The following CNTN5 variants were observed in gnomAD, a reference collection of about 807,000 sequenced individuals.
CNTN5 encodes contactin-5.
Under a neutral mutation model 129.1 loss-of-function variants are expected in CNTN5, and 77 were observed. That is an observed-to-expected ratio of 0.60 (90% confidence interval 0.50 to 0.72). The LOEUF (loss-of-function observed/expected upper bound fraction) is 0.72. CNTN5 is among the 30% of genes least tolerant of loss of function. CNTN5 has a pLI of 0.00. For missense variants in CNTN5, 1,478 were observed against 1,328.8 expected (o/e 1.11, Z -1.75); for synonymous variants, 509 against 465.6 (o/e 1.09, Z -1.20).
chr11:99,391,693 A>G (rs903351180), intron 2 of CNTN5, among the ~76,000 whole-genome samples: 6 of 152,018 alleles, frequency 3.9e-5, no homozygotes, highest in Non-Finnish European at 5.9e-5. Flanking sequence ...AATTGAGATG[A>G]TATTATTTAT....
intron 2 of CNTN5, among the ~76,000 whole-genome samples, chr11:99,538,937 G>C (rs1325006916): frequency 6.6e-6 from 1 of 152,014 alleles, no homozygotes; most frequent in Non-Finnish European, 1.5e-5. Context: ...TATTTTACTT[G>C]AAGAAATATA....
intron 7 of CNTN5, among the ~76,000 whole-genome samples, chr11:99,933,344 T>G (rs1168472490): frequency 6.6e-6 from 1 of 152,192 alleles, no homozygotes; most frequent in Non-Finnish European, 1.5e-5. Context: ...TTAATTAGTT[T>G]TATTGAGGTA....
intron 1 of CNTN5, among the ~76,000 whole-genome samples, chr11:99,170,848 A>G (rs1448377911): frequency 6.6e-6 from 1 of 152,236 alleles, no homozygotes; most frequent in Non-Finnish European, 1.5e-5. Flanking sequence ...AGTGCTAAAT[A>G]GTCAGTGATC....
intron 4 of CNTN5, among the ~76,000 whole-genome samples, chr11:99,833,763 G>A (rs1947219278): frequency 6.6e-6 from 1 of 152,152 alleles, no homozygotes; most frequent in African/African-American, 2.4e-5. Flanking sequence ...TGATCATCCT[G>A]TTCAAGACCC....
At chr11:99,331,299 G>A (rs951491707) in intron 2 of CNTN5, among the ~76,000 whole-genome samples, 9 of 151,990 alleles carry the variant, frequency 5.9e-5, no homozygotes, top group Non-Finnish European at 1.3e-4. Flanking sequence ...GCTATAAATT[G>A]TGCTAGTAAA....
intron 20 of CNTN5, among the ~76,000 whole-genome samples, chr11:100,305,410 G>A (rs767912062): frequency 7.9e-5 from 12 of 151,490 alleles, no homozygotes; most frequent in South Asian, 2.1e-4. Context: ...AACCCTCATC[G>A]GCCAACACTC....
chr11:100,038,142 T>A (rs1257409273), intron 9 of CNTN5, among the ~76,000 whole-genome samples: 2 of 152,132 alleles, frequency 1.3e-5, no homozygotes, highest in African/African-American at 2.4e-5. Context: ...ACTTTGAATG[T>A]GTCCCAGAGA....
chr11:100,110,465 T>C (rs1487516275), intron 13 of CNTN5, among the ~76,000 whole-genome samples: 2 of 152,154 alleles, frequency 1.3e-5, no homozygotes, highest in Non-Finnish European at 2.9e-5. Flanking sequence ...ATTTTCTGAA[T>C]TTTTTAAAAA....
At chr11:99,556,579 A>ATATC (rs1555026479) in intron 3 of CNTN5, among the ~76,000 whole-genome samples, 2 of 138,466 alleles carry the variant, frequency 1.4e-5, no homozygotes, top group Non-Finnish European at 3.1e-5. Context: ...ATATATATAT[A>ATATC]TATATATATA....
intron 2 of CNTN5, among the ~76,000 whole-genome samples, chr11:99,422,692 A>G (rs1270420832): frequency 1.3e-5 from 2 of 151,792 alleles, no homozygotes; most frequent in Non-Finnish European, 2.9e-5. Context: ...ACAGGGAAGA[A>G]TAAATATTTG....
intron 3 of CNTN5, among the ~76,000 whole-genome samples, chr11:99,762,096 A>T (rs1287658771): frequency 1.1e-5 from 1 of 88,532 alleles, no homozygotes; most frequent in Non-Finnish European, 2.5e-5. Context: ...TCCTTCACCC[A>T]CTTTTTGATG....
intron 2 of CNTN5, among the ~76,000 whole-genome samples, chr11:99,343,407 G>A (rs1480938922): frequency 6.6e-6 from 1 of 152,190 alleles, no homozygotes; most frequent in African/African-American, 2.4e-5. Context: ...CATAGTGTTA[G>A]TGAGTGCTTC....
chr11:99,237,712 C>T (rs1861351748), intron 1 of CNTN5, among the ~76,000 whole-genome samples: 1 of 151,882 alleles, frequency 6.6e-6, no homozygotes, highest in Admixed American at 6.6e-5. Flanking sequence ...TATAAAATGC[C>T]TAGTATGTGC....
At chr11:99,672,097 C>G (rs1250946944) in intron 3 of CNTN5, among the ~76,000 whole-genome samples, 1 of 152,124 alleles carries the variant, frequency 6.6e-6, no homozygotes, top group Non-Finnish European at 1.5e-5. Flanking sequence ...TATCTAACAG[C>G]CTCTTTCGTA....
chr11:100,000,206 C>T (rs970457714), intron 8 of CNTN5, among the ~76,000 whole-genome samples: 1 of 151,958 alleles, frequency 6.6e-6, no homozygotes, highest in African/African-American at 2.4e-5. Context: ...AGTCCAAAGT[C>T]TCATTTGAGA....
At chr11:99,125,310 A>C (rs1476633362) in intron 1 of CNTN5, among the ~76,000 whole-genome samples, 2 of 151,518 alleles carry the variant, frequency 1.3e-5, no homozygotes, top group Admixed American at 6.6e-5. Context: ...AACATTTGCC[A>C]ATCAATAAAT....
chr11:99,897,357 C>T (rs1949234076), intron 6 of CNTN5, among the ~76,000 whole-genome samples: 7 of 151,898 alleles, frequency 4.6e-5, no homozygotes, highest in Admixed American at 4.6e-4. Context: ...CTAGACTATC[C>T]AAGGTTGGTG....
intron 1 of CNTN5, among the ~76,000 whole-genome samples, chr11:99,198,266 C>A (rs1011994634): frequency 1.3e-5 from 2 of 152,080 alleles, no homozygotes; most frequent in Non-Finnish European, 2.9e-5. Context: ...ATATGGGAAG[C>A]TTTTACAAAG....
At chr11:99,725,714 C>G (rs1943315232) in intron 3 of CNTN5, among the ~76,000 whole-genome samples, 1 of 152,142 alleles carries the variant, frequency 6.6e-6, no homozygotes, top group South Asian at 2.1e-4. Flanking sequence ...TGTAGTGTAT[C>G]TGCATGTCCT....
Sources: allele counts gnomAD v4.1 joint callset (sites outside exome capture counted in the v4.1 genomes callset), GRCh38; gene constraint gnomAD v4.1.1; transcripts MANE v1.5; gene names NCBI Gene and HGNC (gene_info 2026-07-23, HGNC 2026-07-21).